EXT1: variants seen among roughly 807,000 people sequenced by gnomAD.
EXT1 encodes the protein exostosin glycosyltransferase 1, also known as exostosin-1.
EXT1 carries 20 observed loss-of-function variants against 82.5 expected under a neutral mutation model. The observed-to-expected ratio is 0.24, with a 90% CI of 0.17 to 0.35. The LOEUF is 0.35. EXT1 is among the 10% of genes least tolerant of loss of function. EXT1 has a pLI of 1.00. For missense variants in EXT1, 757 were observed against 936.5 expected, an observed-to-expected ratio of 0.81 and a Z score of 2.50; for synonymous variants, 348 against 350.8, an observed-to-expected ratio of 0.99 and a Z score of 0.09.
chr8:118,039,479 G>A (rs780443950), intron 1 of EXT1, among the ~76,000 whole-genome samples: 1 of 143,812 alleles, frequency 7.0e-6, no homozygotes, highest in Non-Finnish European at 1.5e-5. Flanking sequence ...AGAATCGCTT[G>A]AACCCGGGAG....
intron 1 of EXT1, among the ~76,000 whole-genome samples, chr8:118,075,046 A>G (rs1044827210): frequency 6.6e-6 from 1 of 152,208 alleles, no homozygotes; most frequent in Non-Finnish European, 1.5e-5. Context: ...CAGTAACCCC[A>G]CACTCCGAAC....
chr8:117,817,159 A>G (rs1366484280), intron 7 of EXT1, among the ~76,000 whole-genome samples: 1 of 152,182 alleles, frequency 6.6e-6, no homozygotes, highest in Non-Finnish European at 1.5e-5. Flanking sequence ...CCATGGCTAT[A>G]TTTGTCACAT....
At chr8:118,021,047 A>G (rs932548067) in intron 1 of EXT1, among the ~76,000 whole-genome samples, 2 of 152,210 alleles carry the variant, frequency 1.3e-5, no homozygotes, top group Non-Finnish European at 2.9e-5. Context: ...TTATGAGTTC[A>G]TTTCAAAGCT....
At chr8:117,964,159 A>G (rs1482363714) in intron 1 of EXT1, among the ~76,000 whole-genome samples, 1 of 152,184 alleles carries the variant, frequency 6.6e-6, no homozygotes, top group Admixed American at 6.5e-5. Flanking sequence ...CTTTTAATTT[A>G]CATTATCTTT....
chr8:118,070,746 C>T (rs1450121226), intron 1 of EXT1, among the ~76,000 whole-genome samples: 2 of 152,142 alleles, frequency 1.3e-5, no homozygotes, highest in Non-Finnish European at 2.9e-5. Flanking sequence ...CGGGAACCTT[C>T]TGGAAATCTC....
intron 1 of EXT1, among the ~76,000 whole-genome samples, chr8:117,863,255 C>T (rs941091316): frequency 8.4e-6 from 1 of 119,702 alleles, no homozygotes; most frequent in African/African-American, 2.6e-5. Flanking sequence ...GGTGAAGTGA[C>T]TTGCCCCCAG....
At chr8:118,067,761 T>TTA (rs1817017911) in intron 1 of EXT1, among the ~76,000 whole-genome samples, 1 of 152,262 alleles carries the variant, frequency 6.6e-6, no homozygotes, top group African/African-American at 2.4e-5. Context: ...AAACCTAATC[T>TTA]TAACATAGGC....
chr8:117,850,441 C>T (rs549736426), intron 1 of EXT1, among the ~76,000 whole-genome samples: 1 of 152,298 alleles, frequency 6.6e-6, no homozygotes, highest in African/African-American at 2.4e-5. Flanking sequence ...GACCATATCC[C>T]TCTCCACAAG....
At chr8:118,007,122 C>T (rs183445015) in intron 1 of EXT1, among the ~76,000 whole-genome samples, 32 of 152,150 alleles carry the variant, frequency 2.1e-4, no homozygotes, top group Admixed American at 5.2e-4. Flanking sequence ...ACGGTGAAAC[C>T]CCGTTTCTAC....
chr8:118,049,298 T>C (rs1428220386), intron 1 of EXT1, among the ~76,000 whole-genome samples: 3 of 152,234 alleles, frequency 2.0e-5, no homozygotes, highest in African/African-American at 7.2e-5. Flanking sequence ...AATCTCCAGT[T>C]TACTTAGCTG....
At chr8:118,107,185 C>A (rs926778209) in intron 1 of EXT1, among the ~76,000 whole-genome samples, 2 of 152,070 alleles carry the variant, frequency 1.3e-5, no homozygotes, top group African/African-American at 4.8e-5. Context: ...TCTAACTTGA[C>A]CATAATACCA....
chr8:117,985,137 G>A (rs891704498), intron 1 of EXT1, among the ~76,000 whole-genome samples: 3 of 152,102 alleles, frequency 2.0e-5, no homozygotes, highest in Non-Finnish European at 2.9e-5. Flanking sequence ...ACACCGAACC[G>A]CTAACAAAGG....
chr8:117,996,054 C>A (rs57306843), intron 1 of EXT1, among the ~76,000 whole-genome samples: 2,709 of 152,178 alleles, frequency 0.018, 76 homozygotes, highest in African/African-American at 0.062. Flanking sequence ...GGGTCTACTG[C>A]CCTTGCCTTT....
intron 1 of EXT1, among the ~76,000 whole-genome samples, chr8:117,961,954 G>A (rs929138244): frequency 7.9e-5 from 12 of 152,166 alleles, no homozygotes; most frequent in African/African-American, 2.9e-4. Flanking sequence ...TCCTCCATAA[G>A]TGAGTGCTGA....
chr8:117,807,296 A>G lies in EXT1; in HGVS notation c.1804T>C (p.Ser602Pro). The part of the protein sequence containing the change: ...YPARSHFWDN[S>P]KERWGYTSKW... ...GATGTGTATCCCCACCGCTCCTTAG[A>G]GTTATCCCAGAAGTGGCTGCGCGCG... Residue 602 changes from serine to proline, a missense_variant, in exon 9 of 11, where the codon TCT (serine) becomes CCT (proline). Physicochemically the swap from Ser to Pro is moderately conservative, Grantham distance 74. This residue lies in a region of EXT1 where 128 missense variants were observed against 223.2 expected (regional missense o/e 0.57). Transcript: ENST00000378204. The G allele has an allele frequency of 1.2e-6, 2 of 1,614,188 alleles. No individual in the cohort carries two copies. The highest frequency in any genetic ancestry group is 1.7e-6 in the Non-Finnish European group (2 of 1,180,038).
intron 1 of EXT1, among the ~76,000 whole-genome samples, chr8:117,875,837 C>A (rs974098729): frequency 6.6e-6 from 1 of 152,144 alleles, no homozygotes; most frequent in Non-Finnish European, 1.5e-5. Flanking sequence ...CCCTTCTCCC[C>A]ATGCAAGCAG....
rs913019451 is a variant in EXT1 at position 118,002,689 on chromosome 8, G to GC, written c.962+107395dup. Among the ~76,000 whole-genome samples, 55 of 151,466 alleles carry GC rather than the reference G, an allele frequency of 3.6e-4. No homozygotes were observed. The South Asian group carries it at 9.6e-3, about 26-fold the overall frequency. Reference sequence around the variant, plus strand: ...TGGGACTACAGGCACCCACCACCACGCCCCCCTAATTTTTTTGTATTTTTA... The same window carrying GC: ...TGGGACTACAGGCACCCACCACCACGCCCCCCCTAATTTTTTTGTATTTTTA... On this transcript the variant is annotated intron_variant, in intron 1 of 10. Coordinates refer to ENST00000378204, the MANE Select transcript of EXT1 (RefSeq NM_000127.3).
intron 1 of EXT1, among the ~76,000 whole-genome samples, chr8:118,066,049 C>A (rs776199315): frequency 1.3e-5 from 2 of 152,184 alleles, no homozygotes; most frequent in Non-Finnish European, 2.9e-5. Context: ...TCAGCTATCA[C>A]ATCTGTTTGA....
chr8:118,070,981 T>A (rs904129898), intron 1 of EXT1, among the ~76,000 whole-genome samples: 2 of 152,232 alleles, frequency 1.3e-5, no homozygotes, highest in African/African-American at 4.8e-5. Context: ...TCTGACCCTT[T>A]CAGAATAAAT....
Sources: gnomAD v4.1 joint callset for allele counts (sites outside exome capture counted in the v4.1 genomes callset) on GRCh38, gnomAD v4.1.1 for gene constraint, gnomAD v4.1.1 regional missense constraint, MANE v1.5 for transcripts, NCBI Gene and HGNC (gene_info 2026-07-23, HGNC 2026-07-21) for gene names.